The following SIGLEC11 variants were observed in gnomAD, a reference collection of about 807,000 sequenced individuals.
The protein encoded by SIGLEC11 is sialic acid binding Ig like lectin 11, also known as sialic acid-binding Ig-like lectin 11.
A neutral mutation model predicts 61.2 loss-of-function variants in SIGLEC11; 47 were observed. That is an observed-to-expected ratio of 0.77 (90% CI 0.61 to 0.98). SIGLEC11 has a LOEUF of 0.98. Among genes scored for constraint, SIGLEC11 ranks in the 50% least tolerant of loss-of-function variants. The pLI is 0.00. For missense variants in SIGLEC11, 610 were observed against 870.3 expected (o/e 0.70, Z 3.76); for synonymous variants, 278 against 373.1 (o/e 0.75, Z 2.94).
intron 8 of SIGLEC11, among the ~76,000 whole-genome samples, chr19:49,956,911 T>A (rs1321312169): frequency 3.3e-5 from 5 of 152,148 alleles, no homozygotes; most frequent in Non-Finnish European, 7.4e-5. Flanking sequence ...AAGTTCAATC[T>A]AACTAACTGC....
chr19:49,951,904 C>T lies in SIGLEC11; in HGVS notation c.1817G>A (p.Gly606Glu). 2 of 1,606,440 alleles carry T rather than the reference C, an allele frequency of 1.2e-6. No individual in the cohort carries two copies. Among genetic ancestry groups the T allele is most frequent in the African/African-American group, 1.3e-5 (1 of 74,822 alleles). Residue 606 changes from glycine to glutamate, a missense_variant, in exon 10 of 11, where the codon GGA becomes GAA. Transcript: ENST00000447370. This position sits in a 1 kb window ranked among gnomAD's most constrained non-coding sequence, Gnocchi z 4.6. ...AAEQDVPSTLGPISQGHQHEC... is the reference protein window; with the variant it reads ...AAEQDVPSTLEPISQGHQHEC... Reference sequence around the variant, plus strand: ...CTGGGCTCTCACCTGGGAGATGGGTCCCAGGGTGGAGGGCACGTCCTGCTC... The same window carrying T: ...CTGGGCTCTCACCTGGGAGATGGGTTCCAGGGTGGAGGGCACGTCCTGCTC...
At chr19:49,957,405 A>C (rs539579484) in intron 8 of SIGLEC11, among the ~76,000 whole-genome samples, 78 of 152,122 alleles carry the variant, frequency 5.1e-4, no homozygotes, top group East Asian at 3.1e-3. Context: ...AACAAAAAAA[A>C]CCCAAGTCTT....
In SIGLEC11 at chr19:49,952,223, T is replaced by G. The variant is rs1000257919; in HGVS notation, c.1748+75A>C. The stretch of plus-strand genomic sequence containing the variant: ...ACACCCACTGCCCCATCTAGATTCC[T>G]GCAGCTGGGACTGTCTGGGATTCTA... On this transcript the variant is annotated intron_variant, in intron 9 of 10. Transcript: ENST00000447370. 2.2e-5 allele frequency: 32 copies of G among 1,458,152 alleles called. No individual in the cohort carries two copies. The Admixed American group carries it at 5.3e-4, about 24-fold the overall frequency. 90.3% of individuals were successfully genotyped at this position (1,458,152 alleles called of 1,614,324 possible). A position where few individuals can be genotyped will look rare whatever the true frequency, so the allele number is the denominator to read the frequency against.
chr19:49,951,103 C>T lies in SIGLEC11; in HGVS notation c.1830+788G>A, dbSNP rs777951366. ...GCACTGGGACTTACGGCGGGGCCTACGTAGCATCAGTTTGGCTCTGCAGGG... is the reference window on the plus strand; with the variant it reads ...GCACTGGGACTTACGGCGGGGCCTATGTAGCATCAGTTTGGCTCTGCAGGG... On this transcript the variant is annotated intron_variant, in intron 10 of 10. Transcript: ENST00000447370. This position sits in a 1 kb window ranked among gnomAD's most constrained non-coding sequence, Gnocchi z 4.6. 3.9e-5 allele frequency among the ~76,000 whole-genome samples: 6 copies of T among 152,170 alleles called. No individual in the cohort carries two copies. Among genetic ancestry groups the T allele is most frequent in the Non-Finnish European group, 7.3e-5 (5 of 68,028 alleles).
rs565125962 is a variant in SIGLEC11, at chr19:49,959,440, G to A, written c.977C>T (p.Ala326Val). 182 of 1,594,800 alleles carry A rather than the reference G, an allele frequency of 1.1e-4. 8 individuals carry two copies. In the South Asian group the frequency reaches 1.8e-3, roughly 15 times the overall value. The change falls in exon 5 of 11, where the codon GCC becomes GTC. Residue 326 changes from alanine (A) to valine (V), a missense_variant. By Grantham distance (64) the Ala-to-Val change is moderately conservative (BLOSUM62 0). Coordinates refer to ENST00000447370, the MANE Select transcript of SIGLEC11 (RefSeq NM_052884.3). Reference sequence around the variant, plus strand: ...GCAGGTGTAGCGCCCTGAATCCCCGGCCCTTACCCCACGCAGCTCCAGCCC... The same window carrying A: ...GCAGGTGTAGCGCCCTGAATCCCCGACCCTTACCCCACGCAGCTCCAGCCC... ...TLGLELRGVR[A>V]GDSGRYTCRA...
In SIGLEC11 at chr19:49,949,150, G is replaced by C. The variant is rs1027409957; in HGVS notation, c.*820C>G. On this transcript the variant is annotated 3_prime_UTR_variant, in exon 11 of 11. Transcript: ENST00000447370. ...ATTTTAGGCGCCCGCCACCATGCCC[G>C]GCTAATTTTTGTATTTTTAGTAGAG... is the stretch of plus-strand genomic sequence containing the variant. 10 of 150,740 alleles carry C rather than the reference G, an allele frequency of 6.6e-5. No homozygotes were observed. The highest frequency in any genetic ancestry group is 4.0e-4 in the Admixed American group (6 of 15,084). The allele number at this position is 150,740 out of a possible 1,614,324, so 9.3% of individuals were successfully genotyped here. A position where few individuals can be genotyped will look rare whatever the true frequency, so the allele number is the denominator to read the frequency against.
rs1458106785 is a variant in SIGLEC11, at chr19:49,959,370, G to A, written c.1047C>T (p.Leu349=). Residue 349 remains leucine (L), a synonymous_variant, in exon 5 of 11, where the codon CTC becomes CTT. Transcript: ENST00000447370. The part of the protein sequence containing the change: ...RLGSQQQALD[L]SVQYPPENLR... ...GCTAGGCACACTCACACTGCACAGA[G>A]AGGTCCAGGGCTTGCTGCTGGGAGC... 1.2e-6 allele frequency: 2 copies of A among 1,600,078 alleles called. No homozygotes were observed. Among genetic ancestry groups the A allele is most frequent in the Non-Finnish European group, 1.7e-6 (2 of 1,179,444 alleles).
Position 49,960,650 on chromosome 19 carries a change from G to A in SIGLEC11, c.362C>T (p.Ala121Val), listed in dbSNP as rs761326314. ...GTACCATGCCTCATCCTCCCTCTGC[G>A]CGTCTCTGATCACCAAGGAGCAGCT... Reference protein sequence around the residue: ...KGSCSLVIRDAQREDEAWYFF... With the variant: ...KGSCSLVIRDVQREDEAWYFF... Residue 121 changes from alanine (A) to valine (V), a missense_variant, in exon 2 of 11, where the codon GCG (alanine) becomes GTG (valine). Ala to Val is a moderately conservative substitution (Grantham distance 64). Coordinates refer to ENST00000447370, the MANE Select transcript of SIGLEC11 (RefSeq NM_052884.3). 36 of 1,606,202 alleles carry A rather than the reference G, an allele frequency of 2.2e-5. No homozygotes were observed. The highest frequency in any genetic ancestry group is 9.9e-5 in the South Asian group (9 of 90,960).
In SIGLEC11 at chr19:49,955,930, G is replaced by A. The variant is rs574209222; in HGVS notation, c.1651+2353C>T. On this transcript the variant is annotated intron_variant, in intron 8 of 10. Transcript: ENST00000447370. This position sits in a 1 kb window ranked among gnomAD's most constrained non-coding sequence, Gnocchi z 4.5. The stretch of plus-strand genomic sequence containing the variant: ...AGCCAGGGCAACAGAGCGAGACTCC[G>A]TCTCAAAAAAAAAAAAAAAAAGAAC... Among the ~76,000 whole-genome samples, 325 of 135,084 alleles carry A rather than the reference G, an allele frequency of 2.4e-3. 1 individual carries two copies. Among genetic ancestry groups the A allele is most frequent in the African/African-American group, 9.2e-3 (301 of 32,802 alleles). 88.6% of individuals were successfully genotyped at this position (135,084 alleles called of 152,430 possible).
At chr19:49,952,157 C>T in intron 9 of SIGLEC11, 141 bp downstream of exon 9, 1 of 1,039,844 alleles carries the variant, frequency 9.6e-7, no homozygotes. Context: ...GGCTCTGGAG[C>T]AGACCCCTGC....
rs369807551 is a variant in SIGLEC11, at chr19:49,958,265, C to T, written c.1651+18G>A. 2 of 1,611,594 alleles carry T rather than the reference C, an allele frequency of 1.2e-6. No individual in the cohort carries two copies. Among genetic ancestry groups the T allele is most frequent in the Non-Finnish European group, 1.7e-6 (2 of 1,179,418 alleles). ...GTCTCCTTTCTCCCTGAACCTCAGC[C>T]CCCCACAGTCCCCTCACCTGGTAGC... On this transcript the variant is annotated intron_variant, in intron 8 of 10. Coordinates refer to ENST00000447370, the MANE Select transcript of SIGLEC11 (RefSeq NM_052884.3).
chr19:49,950,716 G>C (rs2076153520), intron 10 of SIGLEC11, among the ~76,000 whole-genome samples: 1 of 152,188 alleles, frequency 6.6e-6, no homozygotes, highest in Non-Finnish European at 1.5e-5. Context: ...ATCTCAGGCA[G>C]CTTGCAGTAT....
rs1372454265 is a variant in SIGLEC11 at position 49,951,183 on chromosome 19, G to A, written c.1830+708C>T. 6.6e-6 allele frequency among the ~76,000 whole-genome samples: 1 copy of A among 152,198 alleles called. No homozygotes were observed. The highest frequency in any genetic ancestry group is 1.5e-5 in the Non-Finnish European group (1 of 68,024). On this transcript the variant is annotated intron_variant, in intron 10 of 10. Coordinates refer to ENST00000447370, the MANE Select transcript of SIGLEC11 (RefSeq NM_052884.3). The surrounding 1 kb of genome is among the most constrained non-coding windows in gnomAD (Gnocchi z 4.6). ...CCCATGCCTGCGTGACCCACCCCCAGTGAACCCTGGACCCAGGTTTGGTGG... is the reference window on the plus strand; with the variant it reads ...CCCATGCCTGCGTGACCCACCCCCAATGAACCCTGGACCCAGGTTTGGTGG...
At chr19:49,959,187 G>A (rs2076223081) in intron 5 of SIGLEC11, 110 bp from the exon 6 acceptor site, 1 of 1,542,256 alleles carries the variant, frequency 6.5e-7, no homozygotes, top group Non-Finnish European at 8.8e-7. Flanking sequence ...AGAAGGGCAG[G>A]GCAGAATCAC....
At chr19:49,957,820 T>C (rs563930388) in intron 8 of SIGLEC11, among the ~76,000 whole-genome samples, 1 of 152,022 alleles carries the variant, frequency 6.6e-6, no homozygotes, top group South Asian at 2.1e-4. Flanking sequence ...GCCAACATAG[T>C]GAAACTAAAA....
Position 49,959,063 on chromosome 19 carries a change from G to C in SIGLEC11, c.1072C>G (p.Leu358Val), listed in dbSNP as rs147064231. 1.4e-4 allele frequency: 226 copies of C among 1,613,750 alleles called. No individual in the cohort carries two copies. Among genetic ancestry groups the C allele is most frequent in the Non-Finnish European group, 1.8e-4 (216 of 1,179,830 alleles). ...DLSVQYPPEN[L>V]RVMVSQANRT... ...TTTGCTTGGGAAACCATCACTCTCA[G>C]GTTCTCTGGAGGATCTGAAATGGAG... The change falls in exon 6 of 11, where the codon CTG becomes GTG. Residue 358 changes from leucine to valine, a missense_variant. This residue lies in a region of SIGLEC11 where 432 missense variants were observed against 441.5 expected (regional missense o/e 0.98). Coordinates refer to ENST00000447370, the MANE Select transcript of SIGLEC11 (RefSeq NM_052884.3).
intron 8 of SIGLEC11, among the ~76,000 whole-genome samples, chr19:49,953,770 G>A (rs74322299): frequency 1.3e-5 from 2 of 152,154 alleles, no homozygotes; most frequent in Non-Finnish European, 2.9e-5. Flanking sequence ...AGATGGTATA[G>A]TTGGCCGAAA....
In SIGLEC11 at chr19:49,949,078, C is replaced by T. The variant is rs2076141005; in HGVS notation, c.*892G>A. The T allele has an allele frequency of 6.6e-6, 1 of 151,914 alleles. No homozygotes were observed. Among genetic ancestry groups the T allele is most frequent in the Non-Finnish European group, 1.5e-5 (1 of 68,010 alleles). The allele number at this position is 151,914 out of a possible 1,614,324, so 9.4% of individuals were successfully genotyped here. The stretch of plus-strand genomic sequence containing the variant: ...CGATCTCGGCTCACTGCAACCTCCA[C>T]CTCCCGGGTTCAACCAATTCTCTGC... On this transcript the variant is annotated 3_prime_UTR_variant, in exon 11 of 11. Coordinates refer to ENST00000447370, the MANE Select transcript of SIGLEC11 (RefSeq NM_052884.3).
rs989534478 is a variant in SIGLEC11 at position 49,949,487 on chromosome 19, T to C, written c.*483A>G. The C allele has an allele frequency of 6.6e-6, 1 of 152,060 alleles. No individual in the cohort carries two copies. Among genetic ancestry groups the C allele is most frequent in the South Asian group, 2.1e-4 (1 of 4,822 alleles). The allele number at this position is 152,060 out of a possible 1,614,324, so 9.4% of individuals were successfully genotyped here. A position where few individuals can be genotyped will look rare whatever the true frequency, so the allele number is the denominator to read the frequency against. ...CTTTACACATCCAGAGAAGCTTCTGTAGTAATGAACCATAGACACGATGCC... is the reference window on the plus strand; with the variant it reads ...CTTTACACATCCAGAGAAGCTTCTGCAGTAATGAACCATAGACACGATGCC... On this transcript the variant is annotated 3_prime_UTR_variant, in exon 11 of 11. Transcript: ENST00000447370.
Sources: gnomAD v4.1 joint callset for allele counts (sites outside exome capture counted in the v4.1 genomes callset) on GRCh38, gnomAD v4.1.1 for gene constraint, gnomAD v4.1.1 regional missense constraint, Gnocchi (gnomAD v3.1) non-coding constraint, MANE v1.5 for transcripts, NCBI Gene and HGNC (gene_info 2026-07-23, HGNC 2026-07-21) for gene names.